Variants in ADGRV1 observed in about 807,000 individuals in gnomAD.
ADGRV1 encodes G-protein coupled receptor 98.
A neutral mutation model predicts 596.2 loss-of-function variants in ADGRV1; 359 were observed. That is an observed-to-expected ratio of 0.60 (90% CI 0.55 to 0.66). The LOEUF is 0.66. Among genes scored for constraint, ADGRV1 ranks in the 30% least tolerant of loss-of-function variants. The pLI, the probability that ADGRV1 is intolerant of heterozygous loss-of-function variation, is 0.00. For synonymous variants in ADGRV1, 2,681 were observed against 2,679.2 expected (o/e 1.00, Z -0.02); for missense variants, 7,274 against 7,575.6 (o/e 0.96, Z 1.48).
chr5:90,966,541 A>AG (rs1265047274), intron 84 of ADGRV1, among the ~76,000 whole-genome samples: 1 of 148,910 alleles, frequency 6.7e-6, no homozygotes. Context: ...AAAAAAAAAA[A>AG]AAAAAAAAAT....
intron 9 of ADGRV1, chr5:90,629,996 T>C (rs185359516): frequency 1.3e-5 from 2 of 152,840 alleles, no homozygotes; most frequent in Admixed American, 1.3e-4. Context: ...ATATGAGATA[T>C]ATATTTTTTC....
Position 90,633,078 on chromosome 5 carries a change from G to A in ADGRV1, c.1840-2036G>A, listed in dbSNP as rs577322665. 4.4e-4 allele frequency among the ~76,000 whole-genome samples: 67 copies of A among 152,262 alleles called. No homozygotes were observed. The South Asian group carries it at 0.013, about 31-fold the overall frequency. Reference sequence around the variant, plus strand: ...TCAGCTAAATACGTTAGTCTGAGATGCAGCTTTTGGCAAGCATGGGGTTAC... The same window carrying A: ...TCAGCTAAATACGTTAGTCTGAGATACAGCTTTTGGCAAGCATGGGGTTAC... On this transcript the variant is annotated intron_variant, in intron 9 of 89. Transcript: ENST00000405460.
chr5:90,921,615 A>G (rs16869223), intron 83 of ADGRV1, among the ~76,000 whole-genome samples: 1,955 of 152,242 alleles, frequency 0.013, 49 homozygotes, highest in African/African-American at 0.044. Flanking sequence ...CAACCCTGCC[A>G]TCTGTGCTGT....
rs561508417 is a variant in ADGRV1, at chr5:91,030,458, G to A, written c.18153-41989G>A. Among the ~76,000 whole-genome samples the A allele has an allele frequency of 4.6e-5, 7 of 151,946 alleles. No individual in the cohort carries two copies. The South Asian group carries it at 6.2e-4, about 14-fold the overall frequency. On this transcript the variant is annotated intron_variant, in intron 85 of 89. Transcript: ENST00000405460. ...GTAAAGATTTGTTTAACTTTTGCTC[G>A]TAAAACTTTATTGATTTTAGAGGTG...
intron 74 of ADGRV1, among the ~76,000 whole-genome samples, chr5:90,814,844 A>G (rs982480771): frequency 2.6e-5 from 4 of 152,208 alleles, no homozygotes; most frequent in African/African-American, 9.6e-5. Flanking sequence ...TCTAGGACCA[A>G]TGCAAAACAG....
intron 84 of ADGRV1, among the ~76,000 whole-genome samples, chr5:90,970,277 C>T (rs886815847): frequency 7.2e-5 from 11 of 152,186 alleles, no homozygotes; most frequent in Non-Finnish European, 1.5e-4. Flanking sequence ...CTGCCTGCCT[C>T]TGCAGACTCC....
At chr5:90,599,136 G>A (rs1162999466) in intron 1 of ADGRV1, among the ~76,000 whole-genome samples, 11 of 152,146 alleles carry the variant, frequency 7.2e-5, no homozygotes, top group Non-Finnish European at 1.3e-4. Flanking sequence ...TAGAGTAAAT[G>A]CATTGAGAAA....
chr5:90,703,805 CA>C lies in ADGRV1; in HGVS notation c.8286+13del. The stretch of plus-strand genomic sequence containing the variant: ...ACTTTTCTTTCCTGAGGTAATACTG[CA>C]AAGAAAAGTCGATCACAAATATCTA... On this transcript the variant is annotated intron_variant, in intron 35 of 89. Coordinates refer to ENST00000405460, the MANE Select transcript of ADGRV1 (RefSeq NM_032119.4). 1 of 1,567,328 alleles carries C rather than the reference CA, an allele frequency of 6.4e-7. No homozygotes were observed.
Position 90,619,134 on chromosome 5 carries a change from A to G in ADGRV1, c.406A>G (p.Thr136Ala). Residue 136 changes from threonine (T) to alanine (A), a missense_variant, in exon 4 of 90, where the codon ACA becomes GCA. By Grantham distance (58) the Thr-to-Ala change is moderately conservative (BLOSUM62 0). This residue lies in a region of ADGRV1 where 1,715 missense variants were observed against 1,708.8 expected (regional missense o/e 1.00). Coordinates refer to ENST00000405460, the MANE Select transcript of ADGRV1 (RefSeq NM_032119.4). The part of the protein sequence containing the change: ...KLGWPRTVTV[T>A]ILSNDNAFGI... ...TGGATGGCCAAGGACTGTTACTGTG[A>G]CAATATTATCAAATGACAATGCATT... is the stretch of plus-strand genomic sequence containing the variant. 1 of 1,509,320 alleles carries G rather than the reference A, an allele frequency of 6.6e-7. No homozygotes were observed. Among genetic ancestry groups the G allele is most frequent in the Non-Finnish European group, 8.9e-7 (1 of 1,125,110 alleles). The allele number at this position is 1,509,320 out of a possible 1,614,324, so 93.5% of individuals were successfully genotyped here. A position where few individuals can be genotyped will look rare whatever the true frequency, so the allele number is the denominator to read the frequency against.
At chr5:91,115,120 T>C (rs1308715801) in intron 87 of ADGRV1, among the ~76,000 whole-genome samples, 1 of 152,208 alleles carries the variant, frequency 6.6e-6, no homozygotes, top group Non-Finnish European at 1.5e-5. Context: ...TCTGATGCCT[T>C]TCAACTCATT....
Position 90,791,102 on chromosome 5 carries a change from A to G in ADGRV1, c.14273A>G (p.Asp4758Gly). 1.2e-6 allele frequency: 2 copies of G among 1,613,970 alleles called. No individual in the cohort carries two copies. The highest frequency in any genetic ancestry group is 8.5e-7 in the Non-Finnish European group (1 of 1,179,860). Reference protein sequence around the residue: ...SITWFSVYANDDPHGVFALYS... With the variant: ...SITWFSVYANGDPHGVFALYS... ...ACATGGTTCTCTGTTTATGCAAATG[A>G]TGACCCACATGGAGTATTTGCCCTG... The change falls in exon 70 of 90, where the codon GAT (aspartate) becomes GGT (glycine). Residue 4758 changes from aspartate (D) to glycine (G), a missense_variant. Transcript: ENST00000405460.
At chr5:90,572,630 TCA>T (rs1162468470) in intron 1 of ADGRV1, among the ~76,000 whole-genome samples, 1 of 152,118 alleles carries the variant, frequency 6.6e-6, no homozygotes, top group Non-Finnish European at 1.5e-5. Context: ...GCACACATGC[TCA>T]CACACGCACA....
intron 85 of ADGRV1, among the ~76,000 whole-genome samples, chr5:91,008,535 G>A (rs1044202755): frequency 2.0e-5 from 3 of 151,750 alleles, no homozygotes; most frequent in Middle Eastern, 3.4e-3. Context: ...ACAGAGTCTC[G>A]CTCTGTCACC....
chr5:90,764,438 A>T (rs1756864099), intron 59 of ADGRV1, among the ~76,000 whole-genome samples: 1 of 152,102 alleles, frequency 6.6e-6, no homozygotes, highest in Admixed American at 6.5e-5. Flanking sequence ...CACACACAAA[A>T]AATGCTTTCT....
At chr5:90,595,966 G>C (rs969028484) in intron 1 of ADGRV1, among the ~76,000 whole-genome samples, 8 of 150,526 alleles carry the variant, frequency 5.3e-5, no homozygotes, top group African/African-American at 1.5e-4. Context: ...GGTGGCTGCC[G>C]GGCGGAGAGG....
At chr5:91,123,756 A>C (rs7706968) in intron 87 of ADGRV1, among the ~76,000 whole-genome samples, 9,294 of 152,258 alleles carry the variant, frequency 0.061, 904 homozygotes, top group African/African-American at 0.21. Context: ...TAATTAATTT[A>C]TCTATTCTGT....
At chr5:90,805,013 C>T in intron 71 of ADGRV1, 1 of 253,096 alleles carries the variant, frequency 4.0e-6, no homozygotes, top group Non-Finnish European at 7.4e-6. Flanking sequence ...TTTCATTTAA[C>T]CATAATTATG....
chr5:90,589,294 A>T (rs1759173247), intron 1 of ADGRV1, among the ~76,000 whole-genome samples: 1 of 152,198 alleles, frequency 6.6e-6, no homozygotes. Context: ...TGAAGTCAAG[A>T]GATGAAAGAT....
chr5:90,957,088 G>A (rs1240753491), intron 83 of ADGRV1, among the ~76,000 whole-genome samples: 1 of 152,124 alleles, frequency 6.6e-6, no homozygotes, highest in Non-Finnish European at 1.5e-5. Context: ...AACTAAGTAT[G>A]GCATTATTCC....
Sources: allele counts gnomAD v4.1 joint callset (sites outside exome capture counted in the v4.1 genomes callset), GRCh38; gene constraint gnomAD v4.1.1; regional missense constraint gnomAD v4.1.1; transcripts MANE v1.5; gene names NCBI Gene and HGNC (gene_info 2026-07-23, HGNC 2026-07-21).